UGT1A9: variants seen among roughly 807,000 people sequenced by gnomAD.
The protein encoded by UGT1A9 is UDP glucuronosyltransferase family 1 member A9, also known as UDP-glucuronosyltransferase 1A9.
UGT1A9 carries 35 observed loss-of-function variants against 45.0 expected under a neutral mutation model. The observed-to-expected ratio is 0.78, with a 90% CI of 0.59 to 1.03. The LOEUF (loss-of-function observed/expected upper bound fraction) is 1.03. Among genes scored for constraint, UGT1A9 ranks in the 50% least tolerant of loss-of-function variants. The pLI is 0.00. For synonymous variants in UGT1A9, 278 were observed against 250.6 expected, an observed-to-expected ratio of 1.11 and a Z score of -1.03; for missense variants, 687 against 666.6, an observed-to-expected ratio of 1.03 and a Z score of -0.34.
intron 1 of UGT1A9, among the ~76,000 whole-genome samples, chr2:233,685,504 A>T (rs1367783819): frequency 6.6e-6 from 1 of 152,240 alleles, no homozygotes; most frequent in African/African-American, 2.4e-5. Flanking sequence ...GGTTACAGCA[A>T]GAAAAGATCT....
chr2:233,738,287 A>T, intron 1 of UGT1A9, among the ~76,000 whole-genome samples: 1 of 152,330 alleles, frequency 6.6e-6, no homozygotes, highest in South Asian at 2.1e-4. Flanking sequence ...TAAATTACCC[A>T]GTCTTGGGTA....
chr2:233,688,681 T>C (rs1486641418), intron 1 of UGT1A9, among the ~76,000 whole-genome samples: 1 of 152,192 alleles, frequency 6.6e-6, no homozygotes, highest in East Asian at 1.9e-4. Flanking sequence ...TTTTAAAAAA[T>C]TTAATATTAA....
At chr2:233,682,866 A>C in intron 1 of UGT1A9, 1 of 1,525,494 alleles carries the variant, frequency 6.6e-7, no homozygotes, top group South Asian at 1.3e-5. Flanking sequence ...CAGAATCATA[A>C]TTTATCATTT....
chr2:233,762,295 C>T (rs898920191), intron 1 of UGT1A9, among the ~76,000 whole-genome samples: 2 of 152,172 alleles, frequency 1.3e-5, no homozygotes, highest in South Asian at 2.1e-4. Context: ...AGGTGCCAAC[C>T]GAGGTCTAGT....
intron 1 of UGT1A9, chr2:233,713,817 A>G (rs776318563): frequency 1.2e-6 from 2 of 1,614,092 alleles, no homozygotes; most frequent in South Asian, 1.1e-5. Flanking sequence ...CATGGTCTTC[A>G]TTGGGGGCAT....
chr2:233,705,895 C>G (rs1312071295), intron 1 of UGT1A9, among the ~76,000 whole-genome samples: 1 of 152,094 alleles, frequency 6.6e-6, no homozygotes, highest in Non-Finnish European at 1.5e-5. Context: ...CAAGACTGCC[C>G]TGGCCAAAAT....
intron 2 of UGT1A9, among the ~76,000 whole-genome samples, chr2:233,767,578 TTCCCTTAAAGTGC>T (rs1361254822): frequency 6.6e-6 from 1 of 152,218 alleles, no homozygotes; most frequent in African/African-American, 2.4e-5. Context: ...TAAGCAAACT[TTCCCTTAAAGTGC>T]AGGAAAGTGA....
chr2:233,672,256 C>T lies in UGT1A9; in HGVS notation c.322C>T (p.Leu108=). ...AGCACAAGTACGAAGTATATATTCT[C>T]TATTAATGGGTTCATACAATGACAT... ...WKAQVRSIYS[L]LMGSYNDIFD... is the part of the protein sequence containing the mutation. The change falls in exon 1 of 5, where the codon CTA becomes TTA. Residue 108 remains leucine (L), a synonymous_variant. Transcript: ENST00000354728. 2 of 1,614,158 alleles carry T rather than the reference C, an allele frequency of 1.2e-6. No individual in the cohort carries two copies. Among genetic ancestry groups the T allele is most frequent in the South Asian group, 2.2e-5 (2 of 91,076 alleles).
At chr2:233,674,575 T>G (rs1268622169) in intron 1 of UGT1A9, among the ~76,000 whole-genome samples, 1 of 152,192 alleles carries the variant, frequency 6.6e-6, no homozygotes, top group African/African-American at 2.4e-5. Flanking sequence ...TTATATCACC[T>G]ATGATAGAGG....
At chr2:233,691,202 G>C in intron 1 of UGT1A9, 1 of 985,608 alleles carries the variant, frequency 1.0e-6, no homozygotes, top group Non-Finnish European at 1.2e-6. Context: ...CCTGAGCTCT[G>C]TTCCCTTTGC....
intron 1 of UGT1A9, among the ~76,000 whole-genome samples, chr2:233,688,623 T>G (rs948549500): frequency 2.6e-5 from 4 of 152,128 alleles, no homozygotes; most frequent in African/African-American, 9.7e-5. Flanking sequence ...CAAACATGAG[T>G]TCGTCTTGTT....
intron 1 of UGT1A9, chr2:233,713,421 A>G (rs28946885): frequency 6.9e-5 from 112 of 1,613,970 alleles, no homozygotes; most frequent in African/African-American, 9.3e-5. Flanking sequence ...CCTGCATGCT[A>G]CTTCCTTTGA....
intron 1 of UGT1A9, among the ~76,000 whole-genome samples, chr2:233,763,416 A>T (rs1484402572): frequency 6.6e-6 from 1 of 152,224 alleles, no homozygotes; most frequent in Non-Finnish European, 1.5e-5. Flanking sequence ...TTTTTAATCC[A>T]GTCAGGCAGT....
At chr2:233,751,587 G>A (rs1303617779) in intron 1 of UGT1A9, among the ~76,000 whole-genome samples, 5 of 152,220 alleles carry the variant, frequency 3.3e-5, no homozygotes, top group African/African-American at 1.2e-4. Flanking sequence ...ATTCCCATGT[G>A]TTAAGGATGG....
chr2:233,694,248 C>T (rs1050180711), intron 1 of UGT1A9, among the ~76,000 whole-genome samples: 1 of 151,938 alleles, frequency 6.6e-6, no homozygotes, highest in African/African-American at 2.4e-5. Flanking sequence ...GGACCTTGAG[C>T]CAGGGACCAG....
At chr2:233,731,647 G>A (rs2078187092) in intron 1 of UGT1A9, among the ~76,000 whole-genome samples, 1 of 152,156 alleles carries the variant, frequency 6.6e-6, no homozygotes, top group Admixed American at 6.5e-5. Flanking sequence ...GTATTCCATG[G>A]TGTATATGTG....
At chr2:233,762,448 C>T (rs2125997990) in intron 1 of UGT1A9, among the ~76,000 whole-genome samples, 1 of 152,302 alleles carries the variant, frequency 6.6e-6, no homozygotes, top group East Asian at 1.9e-4. Context: ...TCCCACTGCC[C>T]ACTTACCGAT....
At chr2:233,726,191 A>T (rs942571652) in intron 1 of UGT1A9, among the ~76,000 whole-genome samples, 2 of 152,194 alleles carry the variant, frequency 1.3e-5, no homozygotes, top group African/African-American at 4.8e-5. Context: ...TCTTTGGCAT[A>T]TGGAAATCTT....
intron 1 of UGT1A9, among the ~76,000 whole-genome samples, chr2:233,724,415 C>T (rs1413397133): frequency 1.7e-4 from 22 of 126,854 alleles, no homozygotes; most frequent in East Asian, 7.8e-4. Flanking sequence ...GGGTGGCTGC[C>T]GGGCGGAGAG....
Sources: gnomAD v4.1 joint callset for allele counts (sites outside exome capture counted in the v4.1 genomes callset) on GRCh38, gnomAD v4.1.1 for gene constraint, MANE v1.5 for transcripts, NCBI Gene and HGNC (gene_info 2026-07-23, HGNC 2026-07-21) for gene names.